The following SLC37A2 variants were observed in gnomAD, a reference collection of about 807,000 sequenced individuals.
The protein encoded by SLC37A2 is solute carrier family 37 member 2.
A neutral mutation model predicts 70.7 loss-of-function variants in SLC37A2; 59 were observed. The observed-to-expected ratio is 0.83, with a 90% CI of 0.68 to 1.04. The LOEUF (loss-of-function observed/expected upper bound fraction) is 1.04, where lower values mean the gene tolerates loss of function less well. Ranked by LOEUF, SLC37A2 falls within the 50% of genes least tolerant of loss-of-function variation. The pLI, the probability that SLC37A2 is intolerant of heterozygous loss-of-function variation, is 0.00. For missense variants in SLC37A2, 580 were observed against 658.1 expected, an observed-to-expected ratio of 0.88 and a Z score of 1.30; for synonymous variants, 257 against 262.1, an observed-to-expected ratio of 0.98 and a Z score of 0.19.
intron 4 of SLC37A2, 77 bp downstream of exon 4, chr11:125,077,605 C>A: frequency 3.4e-6 from 4 of 1,177,178 alleles, no homozygotes; most frequent in Non-Finnish European, 4.9e-6. Flanking sequence ...AACCTGGGGG[C>A]AGCTGGGAAT....
At chr11:125,073,320 A>T (rs572285609) in intron 1 of SLC37A2, among the ~76,000 whole-genome samples, 1 of 152,334 alleles carries the variant, frequency 6.6e-6, no homozygotes, top group East Asian at 1.9e-4. Flanking sequence ...GGGCATCCTT[A>T]TGTTCATCTA....
chr11:125,084,433 G>A, intron 12 of SLC37A2, 114 bp downstream of exon 12: 2 of 1,077,118 alleles, frequency 1.9e-6, no homozygotes, highest in Non-Finnish European at 2.8e-6. Context: ...GTGTACGCGT[G>A]CACATGCATC....
Position 125,077,215 on chromosome 11 carries a change from C to A in SLC37A2, c.142-15C>A. 6.4e-7 allele frequency: 1 copy of A among 1,563,838 alleles called. No homozygotes were observed. Among genetic ancestry groups the A allele is most frequent in the Non-Finnish European group, 8.7e-7 (1 of 1,155,628 alleles). The stretch of plus-strand genomic sequence containing the variant: ...TGGGTCAACCCCTGACCTGTATGTC[C>A]CATTGCCTATCCAGAGCCGTCTGCA... On this transcript the variant is annotated splice_polypyrimidine_tract_variant and intron_variant, in intron 2 of 17. Coordinates refer to ENST00000403796, the MANE Select transcript of SLC37A2 (RefSeq NM_001145290.2).
rs1375206993 is a variant in SLC37A2, at chr11:125,084,265, C to T, written c.1071C>T (p.Tyr357=). The T allele has an allele frequency of 1.2e-6, 2 of 1,614,242 alleles. No homozygotes were observed. The highest frequency in any genetic ancestry group is 1.7e-5 in the Admixed American group (1 of 60,034). Residue 357 remains tyrosine (Y), a synonymous_variant, in exon 12 of 18, where the codon TAC becomes TAT. Transcript: ENST00000403796. ...TCGTGGCAGGGCTCGTCTCTGACTA[C>T]ACCAATGGCAGGGCCACCACTTGCT... The part of the protein sequence containing the change: ...GGIVAGLVSD[Y]TNGRATTCCV...
At chr11:125,085,711 A>G in intron 16 of SLC37A2, 37 bp downstream of exon 16, 3 of 1,598,888 alleles carry the variant, frequency 1.9e-6, no homozygotes, top group Non-Finnish European at 2.6e-6. Flanking sequence ...GTATTGAGGG[A>G]TGCTCTGTCC....
At chr11:125,085,324 C>T in intron 14 of SLC37A2, 71 bp from the exon 15 acceptor site, 1 of 1,476,568 alleles carries the variant, frequency 6.8e-7, no homozygotes, top group Non-Finnish European at 9.4e-7. Flanking sequence ...CCTGAGTCAG[C>T]CCCTCTCCTG....
chr11:125,084,546 G>A (rs564023810), intron 12 of SLC37A2, among the ~76,000 whole-genome samples: 2 of 152,318 alleles, frequency 1.3e-5, no homozygotes, highest in South Asian at 4.1e-4. Flanking sequence ...CTTTGGCCTT[G>A]GTAGAGGAGA....
Position 125,088,417 on chromosome 11 carries a change from A to AAGG in SLC37A2, c.*285_*287dup. 2.1e-6 allele frequency: 1 copy of AAGG among 471,384 alleles called. No homozygotes were observed. Among genetic ancestry groups the AAGG allele is most frequent in the South Asian group, 3.5e-5 (1 of 28,948 alleles). 29.2% of individuals were successfully genotyped at this position (471,384 alleles called of 1,614,324 possible). On this transcript the variant is annotated 3_prime_UTR_variant, in exon 18 of 18. Transcript: ENST00000403796. The stretch of plus-strand genomic sequence containing the variant: ...AGTTGTGTCTCCATTTTGATAAGGA[A>AAGG]AGGATATGCTCAGACTCTTGCTTGT...
Position 125,083,839 on chromosome 11 carries a change from G to C in SLC37A2, c.1001G>C (p.Gly334Ala). 6.2e-7 allele frequency: 1 copy of C among 1,614,130 alleles called. No homozygotes were observed. The highest frequency in any genetic ancestry group is 8.5e-7 in the Non-Finnish European group (1 of 1,180,008). The change falls in exon 11 of 18, where the codon GGG becomes GCG. Residue 334 changes from glycine to alanine, a missense_variant. Coordinates refer to ENST00000403796, the MANE Select transcript of SLC37A2 (RefSeq NM_001145290.2). The surrounding 1 kb of genome is among the most constrained non-coding windows in gnomAD (Gnocchi z 4.6). The part of the protein sequence containing the change: ...NVAHFSAKEA[G>A]DLSTLFDVGG... The stretch of plus-strand genomic sequence containing the variant: ...GCTCACTTTAGTGCCAAGGAGGCTG[G>C]GGACCTGTCTACACTCTTCGATGTT...
chr11:125,087,895 G>C (rs1008599250), intron 17 of SLC37A2: 1 of 472,064 alleles, frequency 2.1e-6, no homozygotes, highest in African/African-American at 2.0e-5. Flanking sequence ...GCCTCCCAAA[G>C]TGCTGGGATT....
At position 125,077,233 on chromosome 11, in the gene SLC37A2, C is replaced by T. The variant is rs143635150; in HGVS notation, c.145C>T (p.Arg49Cys). ...SRKPISIVKSRLHQNCSEQIK... is the reference protein window; with the variant it reads ...SRKPISIVKSCLHQNCSEQIK... ...GTATGTCCCATTGCCTATCCAGAGC[C>T]GTCTGCACCAGAACTGCTCGGAGCA... The change falls in exon 3 of 18, where the codon CGT (arginine) becomes TGT (cysteine). Residue 49 changes from arginine to cysteine, a missense_variant. Physicochemically the swap from Arg to Cys is radical, Grantham distance 180 (BLOSUM62 -3). Transcript: ENST00000403796. The T allele has an allele frequency of 9.4e-4, 1,483 of 1,585,078 alleles. 12 individuals are homozygous for T. In the African/African-American group the frequency reaches 0.017, roughly 18 times the overall value.
chr11:125,077,495 T>C lies in SLC37A2; in HGVS notation c.281T>C (p.Phe94Ser). Residue 94 changes from phenylalanine to serine, a missense_variant, in exon 4 of 18, where the codon TTC becomes TCC. By Grantham distance (155) the Phe-to-Ser change is radical. Coordinates refer to ENST00000403796, the MANE Select transcript of SLC37A2 (RefSeq NM_001145290.2). ...KELLGGVDNA[F>S]LIAYAIGMFI... ...TTACTAGGGGGCGTGGACAACGCCT[T>C]CCTCATCGCCTATGCCATCGGCATG... 6.2e-7 allele frequency: 1 copy of C among 1,613,968 alleles called. No homozygotes were observed. Among genetic ancestry groups the C allele is most frequent in the Non-Finnish European group, 8.5e-7 (1 of 1,179,902 alleles).
At chr11:125,073,361 G>A (rs1022427929) in intron 1 of SLC37A2, among the ~76,000 whole-genome samples, 8 of 152,230 alleles carry the variant, frequency 5.3e-5, no homozygotes, top group Admixed American at 2.0e-4. Context: ...GAGGCGGGGT[G>A]GAGGGGGACA....
chr11:125,088,402 C>T lies in SLC37A2; in HGVS notation c.*268C>T, dbSNP rs57985403. ...ATGGGACTAGGGCTGAGTTGTGTCT[C>T]CATTTTGATAAGGAAAGGATATGCT... On this transcript the variant is annotated 3_prime_UTR_variant, in exon 18 of 18. Coordinates refer to ENST00000403796, the MANE Select transcript of SLC37A2 (RefSeq NM_001145290.2). 4,387 of 481,192 alleles carry T rather than the reference C, an allele frequency of 9.1e-3. 126 individuals carry two copies. Among genetic ancestry groups the T allele is most frequent in the African/African-American group, 0.066 (3,437 of 51,802 alleles). 29.8% of individuals were successfully genotyped at this position (481,192 alleles called of 1,614,324 possible).
rs747014939 is a variant in SLC37A2, at chr11:125,081,754, G to C, written c.733G>C (p.Gly245Arg). The part of the protein sequence containing the change: ...DVDCAPPQHH[G>R]EPAENQDNPE... ...AGCAGGGCTCATCTCCTCTGCTCAGGGTGAGCCAGCTGAGAACCAGGACAA... is the reference window on the plus strand; with the variant it reads ...AGCAGGGCTCATCTCCTCTGCTCAGCGTGAGCCAGCTGAGAACCAGGACAA... Residue 245 changes from glycine (G) to arginine (R), a missense_variant and splice_region_variant, in exon 9 of 18, where the codon GGT becomes CGT. Gly to Arg is a moderately radical substitution (Grantham distance 125). Coordinates refer to ENST00000403796, the MANE Select transcript of SLC37A2 (RefSeq NM_001145290.2). 1.3e-6 allele frequency: 2 copies of C among 1,594,068 alleles called. No homozygotes were observed. The highest frequency in any genetic ancestry group is 1.7e-6 in the Non-Finnish European group (2 of 1,170,038).
rs781236594 is a variant in SLC37A2, at chr11:125,080,031, C to T, written c.527+271C>T. ...GACAAAAAGAAGCCTATAAAACTTCCGCCCTGCCCCCCAACCCCGACCCCG... is the reference window on the plus strand; with the variant it reads ...GACAAAAAGAAGCCTATAAAACTTCTGCCCTGCCCCCCAACCCCGACCCCG... On this transcript the variant is annotated intron_variant, in intron 6 of 17. Coordinates refer to ENST00000403796, the MANE Select transcript of SLC37A2 (RefSeq NM_001145290.2). This position sits in a 1 kb window ranked among gnomAD's most constrained non-coding sequence, Gnocchi z 4.3. Among the ~76,000 whole-genome samples the T allele has an allele frequency of 5.3e-5, 8 of 152,232 alleles. No individual in the cohort carries two copies. In the South Asian group the frequency reaches 6.2e-4, roughly 12 times the overall value.
Position 125,083,481 on chromosome 11 carries a change from G to C in SLC37A2, c.977-334G>C. On this transcript the variant is annotated intron_variant, in intron 10 of 17. Coordinates refer to ENST00000403796, the MANE Select transcript of SLC37A2 (RefSeq NM_001145290.2). This position sits in a 1 kb window ranked among gnomAD's most constrained non-coding sequence, Gnocchi z 4.6. ...GCCGGAGTGAAGCAGAGAAAGGGCT[G>C]GGCTGAGCTTCAGGTTGCGCTCCAG... The C allele has an allele frequency of 3.5e-6, 1 of 288,228 alleles. No homozygotes were observed. 17.9% of individuals were successfully genotyped at this position (288,228 alleles called of 1,614,324 possible). A position where few individuals can be genotyped will look rare whatever the true frequency, so the allele number is the denominator to read the frequency against.
rs764457293 is a variant in SLC37A2 at position 125,086,019 on chromosome 11, G to C, written c.1490+1G>C. 6.2e-7 allele frequency: 1 copy of C among 1,613,980 alleles called. No individual in the cohort carries two copies. Among genetic ancestry groups the C allele is most frequent in the South Asian group, 1.1e-5 (1 of 91,078 alleles). ...AGGTGTCCCTGAGCAGAGGCAGCGG[G>C]TGAGTCCGGGGAGCTGAAGCTGCCC... On this transcript the variant is annotated splice_donor_variant, in intron 17 of 17. Coordinates refer to ENST00000403796, the MANE Select transcript of SLC37A2 (RefSeq NM_001145290.2). LOFTEE classifies it high-confidence loss of function.
intron 1 of SLC37A2, among the ~76,000 whole-genome samples, chr11:125,070,225 A>G (rs955068687): frequency 3.9e-5 from 6 of 152,154 alleles, no homozygotes; most frequent in Non-Finnish European, 7.4e-5. Flanking sequence ...GTGAGCTGCA[A>G]AAGGCCACAG....
Sources: gnomAD v4.1 joint callset for allele counts (sites outside exome capture counted in the v4.1 genomes callset) on GRCh38, gnomAD v4.1.1 for gene constraint, Gnocchi (gnomAD v3.1) non-coding constraint, MANE v1.5 for transcripts, NCBI Gene and HGNC (gene_info 2026-07-23, HGNC 2026-07-21) for gene names.